The following DTWD2 variants were observed in gnomAD, a reference collection of about 807,000 sequenced individuals.
The protein encoded by DTWD2 is DTW motif tRNA-uridine aminocarboxypropyltransferase 2.
A neutral mutation model predicts 31.8 loss-of-function variants in DTWD2; 39 were observed. The observed-to-expected ratio is 1.22, with a 90% CI of 0.95 to 1.60. The LOEUF (loss-of-function observed/expected upper bound fraction) is 1.60. Ranked by LOEUF, DTWD2 falls within the 40% of genes most tolerant of loss-of-function variation. The probability of loss-of-function intolerance (pLI) is 0.00; values close to 1 mark genes in which losing one functional copy is unlikely to be tolerated. For synonymous variants in DTWD2, 180 were observed against 142.8 expected, an observed-to-expected ratio of 1.26 and a Z score of -1.86; for missense variants, 515 against 381.5, an observed-to-expected ratio of 1.35 and a Z score of -2.92.
chr5:118,956,672 G>C (rs912302588), intron 1 of DTWD2, among the ~76,000 whole-genome samples: 1 of 152,106 alleles, frequency 6.6e-6, no homozygotes, highest in African/African-American at 2.4e-5. Context: ...AAACTTTAAA[G>C]ATTAGTGAAC....
intron 4 of DTWD2, among the ~76,000 whole-genome samples, chr5:118,890,994 A>G (rs1404768282): frequency 6.6e-6 from 1 of 152,220 alleles, no homozygotes; most frequent in Non-Finnish European, 1.5e-5. Flanking sequence ...GAATATGATG[A>G]GAGCTAAATA....
chr5:118,935,662 G>A (rs1167195396), intron 3 of DTWD2, among the ~76,000 whole-genome samples: 1 of 152,138 alleles, frequency 6.6e-6, no homozygotes, highest in Non-Finnish European at 1.5e-5. Context: ...ACATAATAAT[G>A]ATAAAAGGAC....
intron 1 of DTWD2, among the ~76,000 whole-genome samples, chr5:118,967,565 C>G (rs886981728): frequency 6.6e-6 from 1 of 152,126 alleles, no homozygotes; most frequent in East Asian, 1.9e-4. Context: ...GTTCCAGGAA[C>G]CAACCTGAAA....
chr5:118,863,740 T>A (rs1752319471), intron 4 of DTWD2, among the ~76,000 whole-genome samples: 1 of 152,222 alleles, frequency 6.6e-6, no homozygotes, highest in South Asian at 2.1e-4. Flanking sequence ...AGAGCCCTAA[T>A]ATTGTACATT....
At chr5:118,914,629 T>C (rs1028850515) in intron 4 of DTWD2, among the ~76,000 whole-genome samples, 2 of 152,228 alleles carry the variant, frequency 1.3e-5, no homozygotes, top group African/African-American at 4.8e-5. Flanking sequence ...ACAGTCTAAT[T>C]GGCAAAATAT....
At chr5:118,890,755 G>C (rs1325016700) in intron 4 of DTWD2, among the ~76,000 whole-genome samples, 1 of 151,856 alleles carries the variant, frequency 6.6e-6, no homozygotes, top group Non-Finnish European at 1.5e-5. Flanking sequence ...ATTTTTAGTA[G>C]AGACGGGGTT....
chr5:118,839,304 C>G lies in DTWD2; in HGVS notation c.*1613G>C, dbSNP rs1291656317. The G allele has an allele frequency of 6.6e-6, 1 of 151,996 alleles. No individual in the cohort carries two copies. Among genetic ancestry groups the G allele is most frequent in the Non-Finnish European group, 1.5e-5 (1 of 68,016 alleles). The allele number at this position is 151,996 out of a possible 1,614,324, so 9.4% of individuals were successfully genotyped here. A position where few individuals can be genotyped will look rare whatever the true frequency, so the allele number is the denominator to read the frequency against. ...TATATGCTGTTTCTTTTCTAGTACA[C>G]CAAATAATCATTTGATATTAAGTGC... On this transcript the variant is annotated 3_prime_UTR_variant, in exon 6 of 6. Transcript: ENST00000510708.
At chr5:118,901,553 A>G (rs1745076615) in intron 4 of DTWD2, among the ~76,000 whole-genome samples, 1 of 152,202 alleles carries the variant, frequency 6.6e-6, no homozygotes, top group South Asian at 2.1e-4. Context: ...AAAATATCAT[A>G]TATATTAGAG....
chr5:118,981,602 C>T (rs568055714), intron 1 of DTWD2, among the ~76,000 whole-genome samples: 2 of 152,086 alleles, frequency 1.3e-5, no homozygotes, highest in African/African-American at 4.8e-5. Flanking sequence ...ACTCTGTCAC[C>T]CAGGCAAGAG....
intron 1 of DTWD2, among the ~76,000 whole-genome samples, chr5:118,958,868 T>C (rs1754647881): frequency 6.6e-6 from 1 of 152,202 alleles, no homozygotes; most frequent in Non-Finnish European, 1.5e-5. Flanking sequence ...TATCAATAGA[T>C]GCAGAAAAGG....
chr5:118,848,029 C>A, intron 5 of DTWD2, 61 bp downstream of exon 5: 2 of 1,421,520 alleles, frequency 1.4e-6, no homozygotes, highest in South Asian at 1.8e-5. Flanking sequence ...ATGTCTAAAT[C>A]TTCTAGGTAA....
intron 1 of DTWD2, among the ~76,000 whole-genome samples, chr5:118,966,839 G>C (rs1754861620): frequency 6.6e-6 from 1 of 152,030 alleles, no homozygotes; most frequent in Non-Finnish European, 1.5e-5. Flanking sequence ...AGAACAGCCT[G>C]ACCAATGTGG....
At chr5:118,983,821 CT>C (rs1235064619) in intron 1 of DTWD2, among the ~76,000 whole-genome samples, 2 of 152,210 alleles carry the variant, frequency 1.3e-5, no homozygotes, top group African/African-American at 4.8e-5. Context: ...CCCAATTCTG[CT>C]ACCTGCCTGT....
chr5:118,894,349 A>G (rs1413010496), intron 4 of DTWD2, among the ~76,000 whole-genome samples: 1 of 152,204 alleles, frequency 6.6e-6, no homozygotes, highest in Non-Finnish European at 1.5e-5. Context: ...AACTGATTCT[A>G]AAATTTATAC....
chr5:118,882,243 C>T (rs1428383794), intron 4 of DTWD2, among the ~76,000 whole-genome samples: 1 of 152,194 alleles, frequency 6.6e-6, no homozygotes, highest in Non-Finnish European at 1.5e-5. Context: ...TCCTTTGACT[C>T]CAGGTCTCAC....
intron 4 of DTWD2, among the ~76,000 whole-genome samples, chr5:118,907,185 C>T (rs1422208541): frequency 6.6e-6 from 1 of 152,166 alleles, no homozygotes; most frequent in Non-Finnish European, 1.5e-5. Flanking sequence ...GAAAGTTTCC[C>T]CACTTCTCCT....
rs560020705 is a variant in DTWD2, at chr5:118,977,798, C to T, written c.218+10496G>A. Among the ~76,000 whole-genome samples the T allele has an allele frequency of 2.6e-5, 4 of 152,232 alleles. No homozygotes were observed. In the South Asian group the frequency reaches 8.3e-4, roughly 32 times the overall value. On this transcript the variant is annotated intron_variant, in intron 1 of 5. Transcript: ENST00000510708. ...ATTCAATGCTATTCCAATTAAACTA[C>T]CATTAACATTCTTCACAGTATTAGG...
chr5:118,932,480 T>C (rs753550701), intron 3 of DTWD2, among the ~76,000 whole-genome samples: 7 of 152,256 alleles, frequency 4.6e-5, no homozygotes, highest in East Asian at 3.9e-4. Flanking sequence ...CTGACTGTTA[T>C]AGAAGGAATT....
At chr5:118,851,758 G>A (rs889702165) in intron 4 of DTWD2, among the ~76,000 whole-genome samples, 7 of 151,002 alleles carry the variant, frequency 4.6e-5, no homozygotes, top group Non-Finnish European at 8.8e-5. Flanking sequence ...GTTACTGGGT[G>A]CAGCACACCA....
Sources: gnomAD v4.1 joint callset for allele counts (sites outside exome capture counted in the v4.1 genomes callset) on GRCh38, gnomAD v4.1.1 for gene constraint, MANE v1.5 for transcripts, NCBI Gene and HGNC (gene_info 2026-07-23, HGNC 2026-07-21) for gene names.